Variants in LIN54 observed in about 807,000 individuals in gnomAD.
LIN54 encodes the protein lin-54 DREAM MuvB core complex component.
A neutral mutation model predicts 78.7 loss-of-function variants in LIN54; 9 were observed. That is an observed-to-expected ratio of 0.11 (90% CI 0.07 to 0.20). The LOEUF (loss-of-function observed/expected upper bound fraction) is 0.20. LIN54 is among the 10% of genes least tolerant of loss of function. The probability of loss-of-function intolerance (pLI) is 1.00; values close to 1 mark genes in which losing one functional copy is unlikely to be tolerated. For missense variants in LIN54, 573 were observed against 889.9 expected (o/e 0.64, Z 4.53); for synonymous variants, 269 against 318.4 (o/e 0.84, Z 1.65).
At chr4:82,947,777 A>G (rs1264550780) in intron 4 of LIN54, among the ~76,000 whole-genome samples, 4 of 152,138 alleles carry the variant, frequency 2.6e-5, no homozygotes, top group Non-Finnish European at 4.4e-5. Flanking sequence ...CCAGATATAT[A>G]GTATTATTTT....
At chr4:82,999,996 G>A (rs1728618595) in intron 1 of LIN54, among the ~76,000 whole-genome samples, 1 of 152,006 alleles carries the variant, frequency 6.6e-6, no homozygotes, top group Non-Finnish European at 1.5e-5. Context: ...GGGCTCAAGT[G>A]ATCCTCACAC....
At chr4:82,928,435 CAGTG>C (rs1194265571) in intron 12 of LIN54, 132 bp from the exon 13 acceptor site, 145 of 726,118 alleles carry the variant, frequency 2.0e-4, no homozygotes, top group Non-Finnish European at 5.5e-5. Flanking sequence ...ACAATTTACA[CAGTG>C]AGCACAAGCA....
At chr4:82,979,515 G>T (rs966979119) in intron 2 of LIN54, among the ~76,000 whole-genome samples, 1 of 152,074 alleles carries the variant, frequency 6.6e-6, no homozygotes, top group Non-Finnish European at 1.5e-5. Flanking sequence ...GTAGATTAAG[G>T]GAGAACTAAA....
chr4:82,942,860 G>GCACACACA (rs1214264708), intron 5 of LIN54, among the ~76,000 whole-genome samples: 3 of 38,512 alleles, frequency 7.8e-5, no homozygotes, highest in African/African-American at 5.2e-4. Flanking sequence ...GTGTGCGCGC[G>GCACACACA]CACACACACA....
At chr4:82,989,721 G>A (rs6858248) in intron 1 of LIN54, among the ~76,000 whole-genome samples, 47,963 of 152,044 alleles carry the variant, frequency 0.32, 8,564 homozygotes, top group East Asian at 0.5. Context: ...GAGAGGTCAG[G>A]CCACAGAGGG....
At chr4:82,944,334 T>C (rs1281829013) in intron 5 of LIN54, among the ~76,000 whole-genome samples, 1 of 152,158 alleles carries the variant, frequency 6.6e-6, no homozygotes, top group Non-Finnish European at 1.5e-5. Context: ...AACACACACA[T>C]AAAATACAAC....
In LIN54 at chr4:82,960,519, A is replaced by G. The variant is rs1724699968; in HGVS notation, c.951+9808T>C. On this transcript the variant is annotated intron_variant, in intron 4 of 12. Coordinates refer to ENST00000340417, the MANE Select transcript of LIN54 (RefSeq NM_194282.4). ...TACAATTGTGGCTCAATGCAGCCTC[A>G]ACCTCCTGGGCTCAAACCATCCTCC... Among the ~76,000 whole-genome samples, 3 of 151,732 alleles carry G rather than the reference A, an allele frequency of 2.0e-5. No individual in the cohort carries two copies. The South Asian group carries it at 6.3e-4, about 32-fold the overall frequency.
intron 11 of LIN54, among the ~76,000 whole-genome samples, 179 bp downstream of exon 11, chr4:82,935,802 C>T (rs1040028679): frequency 1.1e-4 from 17 of 152,124 alleles, no homozygotes; most frequent in Admixed American, 1.1e-3. Context: ...CAAGGTATTC[C>T]TCCGAAGCCC....
intron 3 of LIN54, 117 bp downstream of exon 3, chr4:82,978,766 G>C: frequency 1.8e-6 from 1 of 554,682 alleles, no homozygotes; most frequent in Non-Finnish European, 3.0e-6. Flanking sequence ...TAACTAGTCT[G>C]GTTTATAATA....
intron 2 of LIN54, among the ~76,000 whole-genome samples, chr4:82,979,263 A>G (rs1489910937): frequency 6.6e-6 from 1 of 152,162 alleles, no homozygotes; most frequent in African/African-American, 2.4e-5. Flanking sequence ...GGATATATGC[A>G]TATGATGAAA....
At chr4:82,999,523 T>C (rs1264035703) in intron 1 of LIN54, among the ~76,000 whole-genome samples, 1 of 151,952 alleles carries the variant, frequency 6.6e-6, no homozygotes, top group Non-Finnish European at 1.5e-5. Context: ...ATGCCTATAA[T>C]CCCAGCACTT....
chr4:82,946,619 T>A (rs979759931), intron 4 of LIN54, 145 bp from the exon 5 acceptor site: 2 of 645,912 alleles, frequency 3.1e-6, no homozygotes, highest in Non-Finnish European at 5.3e-6. Context: ...CAAAGAGAAA[T>A]GAAAAGAATG....
upstream of LIN54, among the ~76,000 whole-genome samples, chr4:83,011,811 T>TAAAAAA (rs70943185): frequency 7.4e-5 from 10 of 135,764 alleles, no homozygotes; most frequent in African/African-American, 2.2e-4. Flanking sequence ...AGATCAGCAT[T>TAAAAAA]AAAAAAAAAA....
At chr4:83,011,764 A>T (rs1208900319), upstream of LIN54, among the ~76,000 whole-genome samples, 1 of 152,028 alleles carries the variant, frequency 6.6e-6, no homozygotes, top group East Asian at 1.9e-4. Flanking sequence ...TTAATCATTT[A>T]AAAAATAACA....
chr4:82,948,740 T>A (rs1723608004), intron 4 of LIN54, among the ~76,000 whole-genome samples: 1 of 22,240 alleles, frequency 4.5e-5, no homozygotes, highest in Non-Finnish European at 1.6e-4. Context: ...TATCTCTGTA[T>A]ATTTGACCAT....
intron 1 of LIN54, among the ~76,000 whole-genome samples, chr4:82,995,334 T>C (rs1193889283): frequency 6.6e-6 from 1 of 151,568 alleles, no homozygotes; most frequent in Non-Finnish European, 1.5e-5. Flanking sequence ...TTAATTTTAA[T>C]TTATTTTTAA....
intron 11 of LIN54, among the ~76,000 whole-genome samples, chr4:82,932,373 G>T (rs990013436): frequency 2.6e-5 from 4 of 151,112 alleles, no homozygotes; most frequent in Non-Finnish European, 4.4e-5. Context: ...TGGGATTACA[G>T]ATGTGAGCCA....
intron 3 of LIN54, among the ~76,000 whole-genome samples, chr4:82,978,296 A>G (rs1003420709): frequency 6.6e-6 from 1 of 152,242 alleles, no homozygotes; most frequent in African/African-American, 2.4e-5. Flanking sequence ...CACTTAAGTA[A>G]TTACTATTAT....
chr4:82,983,487 A>C (rs1229709803), intron 2 of LIN54, among the ~76,000 whole-genome samples: 1 of 152,194 alleles, frequency 6.6e-6, no homozygotes, highest in Non-Finnish European at 1.5e-5. Context: ...TACACATTTC[A>C]TCTTGATCAA....
Sources: allele counts gnomAD v4.1 joint callset (sites outside exome capture counted in the v4.1 genomes callset), GRCh38; gene constraint gnomAD v4.1.1; transcripts MANE v1.5; gene names NCBI Gene and HGNC (gene_info 2026-07-23, HGNC 2026-07-21).